Variants in HS3ST5 observed in about 807,000 individuals in gnomAD.
HS3ST5 encodes the protein heparan sulfate glucosamine 3-O-sulfotransferase 5.
In HS3ST5, 10 loss-of-function variants were observed where a neutral mutation model predicts 25.4. The observed-to-expected ratio is 0.39, with a 90% CI of 0.24 to 0.67. The LOEUF (loss-of-function observed/expected upper bound fraction) is 0.67. Among genes scored for constraint, HS3ST5 ranks in the 30% least tolerant of loss-of-function variants. The probability of loss-of-function intolerance (pLI) is 0.44; values close to 1 mark genes in which losing one functional copy is unlikely to be tolerated. For synonymous variants in HS3ST5, 170 were observed against 162.4 expected, an observed-to-expected ratio of 1.05 and a Z score of -0.36; for missense variants, 324 against 420.7, an observed-to-expected ratio of 0.77 and a Z score of 2.01.
At chr6:114,274,664 G>T (rs1418815618) in intron 1 of HS3ST5, among the ~76,000 whole-genome samples, 1 of 152,048 alleles carries the variant, frequency 6.6e-6, no homozygotes, top group Non-Finnish European at 1.5e-5. Flanking sequence ...GGCAGTTAAG[G>T]ATGCAGTACT....
chr6:114,082,740 G>A (rs1038690549), intron 3 of HS3ST5, among the ~76,000 whole-genome samples: 56 of 152,048 alleles, frequency 3.7e-4, no homozygotes, highest in Admixed American at 3.4e-3. Flanking sequence ...TAACTTCCTC[G>A]GAAAGCAACC....
chr6:114,195,052 G>C (rs754862478), intron 2 of HS3ST5, among the ~76,000 whole-genome samples: 1 of 152,172 alleles, frequency 6.6e-6, no homozygotes, highest in Admixed American at 6.5e-5. Flanking sequence ...CAAAGAAAGT[G>C]GGCAGGACAC....
chr6:114,298,863 C>G (rs888483980), intron 1 of HS3ST5, among the ~76,000 whole-genome samples: 1 of 152,152 alleles, frequency 6.6e-6, no homozygotes, highest in Non-Finnish European at 1.5e-5. Flanking sequence ...TGTCATCTCA[C>G]AAGCTGAGGA....
intron 2 of HS3ST5, among the ~76,000 whole-genome samples, chr6:114,224,330 A>G (rs558057648): frequency 6.6e-6 from 1 of 151,760 alleles, no homozygotes; most frequent in East Asian, 1.9e-4. Context: ...ATTTGAGAAA[A>G]TCTTTCATGA....
intron 1 of HS3ST5, among the ~76,000 whole-genome samples, chr6:114,289,841 A>C (rs905041794): frequency 5.3e-5 from 8 of 152,156 alleles, no homozygotes; most frequent in Non-Finnish European, 1.0e-4. Flanking sequence ...CTATCTTCCT[A>C]TGGGCTTTGA....
intron 1 of HS3ST5, among the ~76,000 whole-genome samples, chr6:114,293,104 C>T (rs1279806387): frequency 1.3e-5 from 2 of 152,032 alleles, no homozygotes; most frequent in Non-Finnish European, 2.9e-5. Flanking sequence ...ACAGGAGATG[C>T]ACTTAACTCA....
At chr6:114,184,240 C>T (rs973135802) in intron 2 of HS3ST5, among the ~76,000 whole-genome samples, 4 of 151,716 alleles carry the variant, frequency 2.6e-5, no homozygotes, top group Non-Finnish European at 5.9e-5. Flanking sequence ...TTGCTCCTGA[C>T]TGCTTATAGT....
Position 114,320,854 on chromosome 6 carries a change from C to A in HS3ST5, c.-339+21341G>T, listed in dbSNP as rs139143395. ...AGTATTTTTTCTCTTTTGTTCACTC[C>A]AGTATTCTCAGCACCTATAATGGCA... On this transcript the variant is annotated intron_variant, in intron 1 of 4. Coordinates refer to ENST00000312719, the MANE Select transcript of HS3ST5 (RefSeq NM_153612.4). 7.1e-4 allele frequency among the ~76,000 whole-genome samples: 108 copies of A among 151,086 alleles called. No individual in the cohort carries two copies. The East Asian group carries it at 0.013, about 18-fold the overall frequency.
intron 3 of HS3ST5, among the ~76,000 whole-genome samples, chr6:114,141,887 TG>T (rs2114935546): frequency 6.7e-6 from 1 of 149,786 alleles, no homozygotes; most frequent in Non-Finnish European, 1.5e-5. Context: ...TGTGTGTGTG[TG>T]TGTGTGTGTG....
intron 1 of HS3ST5, among the ~76,000 whole-genome samples, chr6:114,294,112 GAGA>G (rs2114784399): frequency 6.6e-6 from 1 of 152,302 alleles, no homozygotes; most frequent in East Asian, 1.9e-4. Context: ...AACACTTAAG[GAGA>G]AGCAGCTGCA....
intron 1 of HS3ST5, among the ~76,000 whole-genome samples, chr6:114,292,055 A>AAAAAATGAAAT (rs572184301): frequency 2.2e-4 from 34 of 152,220 alleles, no homozygotes; most frequent in African/African-American, 7.7e-4. Flanking sequence ...ATTTTAAAAT[A>AAAAAATGAAAT]AAAAATGAAA....
chr6:114,059,049 G>C (rs1044672721), intron 4 of HS3ST5: 4 of 152,164 alleles, frequency 2.6e-5, no homozygotes, highest in Non-Finnish European at 5.9e-5. Context: ...AGCCAGACAG[G>C]AGGATTTCCA....
chr6:114,179,665 T>G, intron 2 of HS3ST5, among the ~76,000 whole-genome samples: 1 of 151,028 alleles, frequency 6.6e-6, no homozygotes, highest in East Asian at 1.9e-4. Context: ...TTTTTTTTTT[T>G]TTTTTTTTTT....
chr6:114,103,314 G>A lies in HS3ST5; in HGVS notation c.-32-40437C>T, dbSNP rs913883026. On this transcript the variant is annotated intron_variant, in intron 3 of 4. Coordinates refer to ENST00000312719, the MANE Select transcript of HS3ST5 (RefSeq NM_153612.4). ...CCACTGCACTCCAGCCTGGGCAACAGAGCAAGACCTTGACTCTTAAAAGCT... is the reference window on the plus strand; with the variant it reads ...CCACTGCACTCCAGCCTGGGCAACAAAGCAAGACCTTGACTCTTAAAAGCT... 2.6e-5 allele frequency among the ~76,000 whole-genome samples: 4 copies of A among 151,864 alleles called. No individual in the cohort carries two copies. The South Asian group carries it at 8.3e-4, about 32-fold the overall frequency.
At chr6:114,121,717 C>T (rs904372546) in intron 3 of HS3ST5, among the ~76,000 whole-genome samples, 2 of 152,136 alleles carry the variant, frequency 1.3e-5, no homozygotes, top group Admixed American at 1.3e-4. Context: ...AAAACAACCA[C>T]TGTATTTGAA....
At chr6:114,170,969 T>C (rs1240121611) in intron 2 of HS3ST5, among the ~76,000 whole-genome samples, 1 of 152,192 alleles carries the variant, frequency 6.6e-6, no homozygotes, top group Non-Finnish European at 1.5e-5. Context: ...ATTTGCATCT[T>C]TTGTTGGTTT....
rs1265384538 is a variant in HS3ST5 at position 114,057,799 on chromosome 6, C to T, written c.499G>A (p.Glu167Lys). ...GATGAGTTCATTTTGTAAATCCTTT[C>T]TGGAACCTCCTCTGTGATAAAATAT... ...PAYFITEEVPERIYKMNSSIK... is the reference protein window; with the variant it reads ...PAYFITEEVPKRIYKMNSSIK... The change falls in exon 5 of 5, where the codon GAA becomes AAA. Residue 167 changes from glutamate to lysine, a missense_variant. Coordinates refer to ENST00000312719, the MANE Select transcript of HS3ST5 (RefSeq NM_153612.4). The T allele has an allele frequency of 3.1e-6, 5 of 1,614,050 alleles. No individual in the cohort carries two copies. The highest frequency in any genetic ancestry group is 4.2e-6 in the Non-Finnish European group (5 of 1,180,054).
chr6:114,113,086 A>C (rs1365304393), intron 3 of HS3ST5, among the ~76,000 whole-genome samples: 1 of 152,144 alleles, frequency 6.6e-6, no homozygotes, highest in African/African-American at 2.4e-5. Context: ...ATCCAAAGGC[A>C]CTGGTAATTC....
chr6:114,125,575 G>T (rs559063498), intron 3 of HS3ST5, among the ~76,000 whole-genome samples: 4 of 152,196 alleles, frequency 2.6e-5, no homozygotes, highest in Non-Finnish European at 4.4e-5. Context: ...TAAGAAATTG[G>T]TAGTTAGGTA....
Sources: gnomAD v4.1 joint callset for allele counts (sites outside exome capture counted in the v4.1 genomes callset) on GRCh38, gnomAD v4.1.1 for gene constraint, MANE v1.5 for transcripts, NCBI Gene and HGNC (gene_info 2026-07-23, HGNC 2026-07-21) for gene names.